The following PARP10 variants were observed in gnomAD, a reference collection of about 807,000 sequenced individuals.
PARP10 encodes poly(ADP-ribose) polymerase family member 10.
Under a neutral mutation model 82.4 loss-of-function variants are expected in PARP10, and 56 were observed. That is an observed-to-expected ratio of 0.68 (90% CI 0.55 to 0.85). The LOEUF is 0.85. Ranked by LOEUF, PARP10 falls within the 40% of genes least tolerant of loss-of-function variation. The pLI is 0.00. For missense variants in PARP10, 1,227 were observed against 1,379.4 expected (o/e 0.89, Z 1.75); for synonymous variants, 576 against 601.1 (o/e 0.96, Z 0.61).
chr8:143,997,974 G>A (rs961200920), intron 1 of PARP10, among the ~76,000 whole-genome samples: 1 of 151,650 alleles, frequency 6.6e-6, no homozygotes, highest in Non-Finnish European at 1.5e-5. Flanking sequence ...TTTTATTTTT[G>A]TAGAAACAGG....
chr8:143,989,905 CCA>C (rs1166519968), upstream of PARP10: 1 of 152,268 alleles, frequency 6.6e-6, no homozygotes, highest in Non-Finnish European at 1.5e-5. The surrounding 1 kb of genome is among the most constrained non-coding windows in gnomAD (Gnocchi z 4.3). Flanking sequence ...CCGCCCGACC[CCA>C]CCCCTCGGCA....
chr8:143,979,489 A>C (rs959924941), intron 9 of PARP10, among the ~76,000 whole-genome samples: 2 of 152,258 alleles, frequency 1.3e-5, no homozygotes, highest in Non-Finnish European at 2.9e-5. Context: ...CCTGAACACT[A>C]TATCCAGCCA....
chr8:143,983,694 G>T lies in PARP10; in HGVS notation c.1895C>A (p.Pro632Gln). 1 of 1,609,528 alleles carries T rather than the reference G, an allele frequency of 6.2e-7. No homozygotes were observed. Among genetic ancestry groups the T allele is most frequent in the South Asian group, 1.1e-5 (1 of 90,268 alleles). The change falls in exon 8 of 11, where the codon CCA (proline) becomes CAA (glutamine). Residue 632 changes from proline (P) to glutamine (Q), a missense_variant. By Grantham distance (76) the Pro-to-Gln change is moderately conservative. Coordinates refer to ENST00000313028, the MANE Select transcript of PARP10 (RefSeq NM_032789.5). ...CACAGGCTCCTCCTCCTCATGCCCT[G>T]GGGTCACCTCCTCCTCTGGCTGCTC... ...PQEQPEEEVT[P>Q]GHEEEEPVAP...
upstream of PARP10, among the ~76,000 whole-genome samples, chr8:143,994,239 C>T (rs1239834385): frequency 8.5e-5 from 13 of 152,360 alleles, no homozygotes; most frequent in South Asian, 4.1e-4. Flanking sequence ...CCCTGATGTC[C>T]GCGGGCACCG....
At position 143,977,458 on chromosome 8, in the gene PARP10, A is replaced by C; in HGVS notation, c.*26T>G. 6.6e-7 allele frequency: 1 copy of C among 1,505,412 alleles called. No homozygotes were observed. Among genetic ancestry groups the C allele is most frequent in the Non-Finnish European group, 8.9e-7 (1 of 1,120,528 alleles). The allele number at this position is 1,505,412 out of a possible 1,614,324, so 93.3% of individuals were successfully genotyped here. On this transcript the variant is annotated 3_prime_UTR_variant, in exon 11 of 11. Coordinates refer to ENST00000313028, the MANE Select transcript of PARP10 (RefSeq NM_032789.5). ...GTGCGGAGCTGGGAGCCTGGGAAGCAGGAGGCCAGAGGGTGGCCCCTTCGG... is the reference window on the plus strand; with the variant it reads ...GTGCGGAGCTGGGAGCCTGGGAAGCCGGAGGCCAGAGGGTGGCCCCTTCGG...
intron 1 of PARP10, among the ~76,000 whole-genome samples, chr8:143,998,814 G>T (rs1350892125): frequency 6.6e-6 from 1 of 152,068 alleles, no homozygotes; most frequent in Admixed American, 6.6e-5. Flanking sequence ...GCCAGGCATG[G>T]TTGTGTGTGC....
Position 143,984,338 on chromosome 8 carries a change from G to C in PARP10, c.1552C>G (p.Pro518Ala). The C allele has an allele frequency of 1.2e-6, 2 of 1,613,820 alleles. No homozygotes were observed. The highest frequency in any genetic ancestry group is 8.5e-7 in the Non-Finnish European group (1 of 1,179,994). The change falls in exon 6 of 11, where the codon CCG becomes GCG. Residue 518 changes from proline to alanine, a missense_variant. By Grantham distance (27) the Pro-to-Ala change is conservative. Transcript: ENST00000313028. ...ISCHVLCLEH[P>A]GSARFLLGPE... ...CCCAGGAGAAACCTGGCGCTGCCCGGGTGCTCCAGGCACAACACATGGCAG... is the reference window on the plus strand; with the variant it reads ...CCCAGGAGAAACCTGGCGCTGCCCGCGTGCTCCAGGCACAACACATGGCAG...
chr8:144,012,513 G>A, intron 1 of PARP10: 1 of 1,551,710 alleles, frequency 6.4e-7, no homozygotes, highest in Non-Finnish European at 8.7e-7. Context: ...ACTGCCCCAG[G>A]GCATGTCTCT....
At chr8:144,002,524 C>T (rs1029160720) in intron 1 of PARP10, among the ~76,000 whole-genome samples, 20 of 151,858 alleles carry the variant, frequency 1.3e-4, no homozygotes, top group African/African-American at 4.4e-4. Context: ...GATATCAGGA[C>T]ATATTATAAA....
chr8:143,984,131 T>C (rs782377424), intron 6 of PARP10, 27 bp from the exon 7 acceptor site: 1 of 1,562,656 alleles, frequency 6.4e-7, no homozygotes, highest in Non-Finnish European at 8.7e-7. Context: ...TCAGGACCAC[T>C]AGCCTCTGGG....
At chr8:143,988,068 A>G (rs1255544044), upstream of PARP10, among the ~76,000 whole-genome samples, 1 of 148,476 alleles carries the variant, frequency 6.7e-6, no homozygotes, top group Non-Finnish European at 1.5e-5. Context: ...GTAGCCTGGG[A>G]CTGGCCCTTC....
At chr8:143,990,064 C>A (rs1160664484), upstream of PARP10, 1 of 151,114 alleles carries the variant, frequency 6.6e-6, no homozygotes, top group East Asian at 1.9e-4. This position sits in a 1 kb window ranked among gnomAD's most constrained non-coding sequence, Gnocchi z 5.6. Context: ...TCACAAGGCC[C>A]CGCTGCGTCT....
At position 143,982,941 on chromosome 8, in the gene PARP10, G is replaced by A. The variant is rs370581191; in HGVS notation, c.2547C>T (p.Arg849=). 214 of 1,613,612 alleles carry A rather than the reference G, an allele frequency of 1.3e-4. No homozygotes were observed. Among genetic ancestry groups the A allele is most frequent in the Non-Finnish European group, 1.7e-4 (201 of 1,180,008 alleles). The change falls in exon 9 of 11, where the codon CGC becomes CGT. Residue 849 remains arginine, a synonymous_variant. Coordinates refer to ENST00000313028, the MANE Select transcript of PARP10 (RefSeq NM_032789.5). ...DTLDAARSSI[R]VVRVERVSHP... ...CAGGGCATGGACTCACACGAACGAC[G>A]CGGATGCTGCTGCGGGCAGCGTCCA...
At chr8:143,979,720 G>A (rs1226419924) in intron 9 of PARP10, among the ~76,000 whole-genome samples, 1 of 152,120 alleles carries the variant, frequency 6.6e-6, no homozygotes, top group Non-Finnish European at 1.5e-5. Context: ...AGACCAGCCT[G>A]ACCAACATGG....
Position 143,985,564 on chromosome 8 carries a change from G to C in PARP10, c.521C>G (p.Ala174Gly). The change falls in exon 4 of 11, where the codon GCG becomes GGG. Residue 174 changes from alanine (A) to glycine (G), a missense_variant. Transcript: ENST00000313028. Reference sequence around the variant, plus strand: ...GGCACCATCCCCCACCACACGCACCGCTCGGGCCTGGGGAACCCGGGCCAG... The same window carrying C: ...GGCACCATCCCCCACCACACGCACCCCTCGGGCCTGGGGAACCCGGGCCAG... ...VSLARVPQAR[A>G]VRVVGDGASV... is the part of the protein sequence containing the mutation. 1 of 1,613,990 alleles carries C rather than the reference G, an allele frequency of 6.2e-7. No individual in the cohort carries two copies. The highest frequency in any genetic ancestry group is 8.5e-7 in the Non-Finnish European group (1 of 1,179,986).
chr8:143,977,868 G>T, intron 10 of PARP10, 38 bp from the exon 11 acceptor site: 1 of 1,598,382 alleles, frequency 6.3e-7, no homozygotes. Context: ...GGTGGTCGGG[G>T]TGCGCAGAGC....
upstream of PARP10, chr8:143,991,520 C>A: frequency 1.3e-6 from 2 of 1,541,444 alleles, no homozygotes; most frequent in Non-Finnish European, 1.8e-6. Context: ...AAGGGGGCTA[C>A]CCCCAGGGGC....
At chr8:143,995,719 C>T (rs1440342974), upstream of PARP10, among the ~76,000 whole-genome samples, 1 of 152,158 alleles carries the variant, frequency 6.6e-6, no homozygotes, top group Non-Finnish European at 1.5e-5. Context: ...CTGGCACTCA[C>T]AGATAGAGCC....
chr8:144,000,236 G>C (rs1243223332), intron 1 of PARP10, among the ~76,000 whole-genome samples: 2 of 152,186 alleles, frequency 1.3e-5, no homozygotes, highest in Non-Finnish European at 2.9e-5. Flanking sequence ...TGGTTAAGAT[G>C]AAGTCAACTG....
Sources: gnomAD v4.1 joint callset for allele counts (sites outside exome capture counted in the v4.1 genomes callset) on GRCh38, gnomAD v4.1.1 for gene constraint, Gnocchi (gnomAD v3.1) non-coding constraint, MANE v1.5 for transcripts, NCBI Gene and HGNC (gene_info 2026-07-23, HGNC 2026-07-21) for gene names.